PLCE1: variants seen among roughly 807,000 people sequenced by gnomAD.
PLCE1 encodes phospholipase C epsilon 1, also known as 1-phosphatidylinositol 4,5-bisphosphate phosphodiesterase epsilon-1.
Under a neutral mutation model 242.8 loss-of-function variants are expected in PLCE1, and 119 were observed. The observed-to-expected ratio is 0.49, with a 90% CI of 0.42 to 0.57. The LOEUF (loss-of-function observed/expected upper bound fraction) is 0.57, where lower values mean the gene tolerates loss of function less well. Ranked by LOEUF, PLCE1 falls within the 20% of genes least tolerant of loss-of-function variation. The probability of loss-of-function intolerance (pLI) is 0.00; values close to 1 mark genes in which losing one functional copy is unlikely to be tolerated. For synonymous variants in PLCE1, 945 were observed against 1,017.4 expected, an observed-to-expected ratio of 0.93 and a Z score of 1.35; for missense variants, 2,441 against 2,788.8, an observed-to-expected ratio of 0.88 and a Z score of 2.81.
intron 7 of PLCE1, among the ~76,000 whole-genome samples, chr10:94,242,307 T>A (rs187427953): frequency 6.6e-6 from 1 of 152,274 alleles, no homozygotes; most frequent in East Asian, 1.9e-4. Flanking sequence ...TTTTATTTTT[T>A]ATTTTTATTT....
rs1000601053 is a variant in PLCE1 at position 94,057,576 on chromosome 10, G to A, written c.1206+25324G>A. The stretch of plus-strand genomic sequence containing the variant: ...TTAATATCCTTGATACTTTGATGCC[G>A]CACTTTTCTCTCAGAAGAATTACCA... On this transcript the variant is annotated intron_variant, in intron 2 of 32. Transcript: ENST00000371380. Among the ~76,000 whole-genome samples, 34 of 152,236 alleles carry A rather than the reference G, an allele frequency of 2.2e-4. No homozygotes were observed. In the East Asian group the frequency reaches 5.0e-3, roughly 22 times the overall value.
chr10:94,226,496 T>C lies in PLCE1; in HGVS notation c.1810-810T>C, dbSNP rs74151095. ...AGTGCTTAGAATGGCTCCTGGCACA[T>C]AATAAGTGCTCTATAAATATTTGTT... On this transcript the variant is annotated intron_variant, in intron 4 of 32. Coordinates refer to ENST00000371380, the MANE Select transcript of PLCE1 (RefSeq NM_016341.4). Among the ~76,000 whole-genome samples, 1,050 of 152,194 alleles carry C rather than the reference T, an allele frequency of 6.9e-3. 19 individuals are homozygous for C. Among genetic ancestry groups the C allele is most frequent in the African/African-American group, 0.024 (1,005 of 41,474 alleles).
chr10:94,188,998 T>TAAAAAAAAAAAAAAAAAAAAAAAAA (rs904632569), intron 4 of PLCE1, among the ~76,000 whole-genome samples: 1 of 73,822 alleles, frequency 1.4e-5, no homozygotes, highest in African/African-American at 4.2e-5. Context: ...TAGGAGAAAG[T>TAAAAAAAAAAAAAAAAAAAAAAAAA]AAAAAAAAAA....
At chr10:94,249,458 C>G (rs186726047) in intron 8 of PLCE1, among the ~76,000 whole-genome samples, 3 of 151,996 alleles carry the variant, frequency 2.0e-5, no homozygotes. Flanking sequence ...TACCTATAAG[C>G]TAAAGAAATT....
intron 3 of PLCE1, among the ~76,000 whole-genome samples, chr10:94,166,793 C>T (rs1263879318): frequency 1.3e-5 from 2 of 152,090 alleles, no homozygotes; most frequent in Non-Finnish European, 2.9e-5. Context: ...GATAATCACA[C>T]CACCTTACAG....
chr10:94,298,556 G>A lies in PLCE1; in HGVS notation c.5345G>A (p.Cys1782Tyr). Residue 1782 changes from cysteine to tyrosine, a missense_variant, in exon 24 of 33, where the codon TGT (cysteine) becomes TAT (tyrosine). Physicochemically the swap from Cys to Tyr is radical, Grantham distance 194. This residue lies in a region of PLCE1 where 1,004 missense variants were observed against 1,322.7 expected (regional missense o/e 0.76). Transcript: ENST00000371380. The surrounding 1 kb of genome is among the most constrained non-coding windows in gnomAD (Gnocchi z 5.2). ...YSQKLTQHTA[C>Y]QLLRTYPAAT... ...CAGAAACTGACCCAGCACACCGCCT[G>A]TCAGCTGCTGAGAACTTACCCTGCT... 1 of 1,614,074 alleles carries A rather than the reference G, an allele frequency of 6.2e-7. No homozygotes were observed. Among genetic ancestry groups the A allele is most frequent in the Non-Finnish European group, 8.5e-7 (1 of 1,180,008 alleles).
intron 7 of PLCE1, among the ~76,000 whole-genome samples, chr10:94,238,305 G>T (rs1338535036): frequency 3.3e-5 from 5 of 152,112 alleles, no homozygotes; most frequent in Non-Finnish European, 2.9e-5. Context: ...AAGGGAATTG[G>T]GTTGAAAAAA....
intron 6 of PLCE1, 87 bp from the exon 7 acceptor site, chr10:94,235,828 T>G (rs781402182): frequency 9.5e-6 from 14 of 1,473,470 alleles, no homozygotes; most frequent in South Asian, 2.4e-5. Flanking sequence ...TGCCATTATT[T>G]ATTACTTTAT....
intron 4 of PLCE1, among the ~76,000 whole-genome samples, chr10:94,193,441 G>A (rs1453854718): frequency 1.3e-5 from 2 of 152,216 alleles, no homozygotes; most frequent in East Asian, 3.9e-4. Flanking sequence ...GTTTGTGGCA[G>A]AAGGGATATA....
At chr10:94,052,376 T>A (rs1343912971) in intron 2 of PLCE1, among the ~76,000 whole-genome samples, 1 of 151,964 alleles carries the variant, frequency 6.6e-6, no homozygotes, top group Non-Finnish European at 1.5e-5. Flanking sequence ...CTTCTTAGAG[T>A]GAGGGACATG....
At position 94,270,362 on chromosome 10, in the gene PLCE1, AAC is replaced by A. The variant is rs1268538802; in HGVS notation, c.4390-123_4390-122del. Reference sequence around the variant, plus strand: ...CTCATGCTTCATTTGAAAATACGAAAACCATCTTTGGCCAGAGTCTGCTGCAT... The same window carrying A: ...CTCATGCTTCATTTGAAAATACGAAACATCTTTGGCCAGAGTCTGCTGCAT... On this transcript the variant is annotated intron_variant, in intron 17 of 32. Transcript: ENST00000371380. 15 of 772,714 alleles carry A rather than the reference AAC, an allele frequency of 1.9e-5. No individual in the cohort carries two copies. In the African/African-American group the frequency reaches 2.4e-4, roughly 12 times the overall value. The allele number at this position is 772,714 out of a possible 1,614,324, so 47.9% of individuals were successfully genotyped here.
At chr10:94,164,028 G>T (rs1013397994) in intron 3 of PLCE1, among the ~76,000 whole-genome samples, 1 of 152,164 alleles carries the variant, frequency 6.6e-6, no homozygotes, top group African/African-American at 2.4e-5. Context: ...TCAGCTGTTT[G>T]TCTGATGGGT....
chr10:94,300,963 G>C (rs2133568444), intron 24 of PLCE1, among the ~76,000 whole-genome samples: 1 of 152,254 alleles, frequency 6.6e-6, no homozygotes, highest in East Asian at 1.9e-4. Context: ...TACTCGGAAG[G>C]CTGAGCGGGA....
intron 4 of PLCE1, among the ~76,000 whole-genome samples, chr10:94,198,352 C>A (rs2048889630): frequency 6.6e-6 from 1 of 152,206 alleles, no homozygotes; most frequent in African/African-American, 2.4e-5. Context: ...TTCTACTTGG[C>A]AAATATGAAT....
intron 2 of PLCE1, among the ~76,000 whole-genome samples, chr10:94,060,898 T>C (rs938433258): frequency 1.2e-4 from 18 of 145,462 alleles, no homozygotes; most frequent in Admixed American, 1.1e-3. Flanking sequence ...GGTTTTGCCA[T>C]GTTGCCCAGC....
At chr10:94,147,804 G>C (rs1012721158) in intron 3 of PLCE1, among the ~76,000 whole-genome samples, 1 of 152,194 alleles carries the variant, frequency 6.6e-6, no homozygotes, top group Non-Finnish European at 1.5e-5. Context: ...TAGTCTACCT[G>C]TAGGAAATAT....
At chr10:94,213,506 T>C (rs933183648) in intron 4 of PLCE1, among the ~76,000 whole-genome samples, 1 of 152,178 alleles carries the variant, frequency 6.6e-6, no homozygotes, top group Admixed American at 6.6e-5. Context: ...TGTCCCTGTG[T>C]CCCTACCTCC....
At chr10:94,196,035 T>C (rs1389385938) in intron 4 of PLCE1, among the ~76,000 whole-genome samples, 1 of 152,214 alleles carries the variant, frequency 6.6e-6, no homozygotes, top group African/African-American at 2.4e-5. Flanking sequence ...TACAAGTTAC[T>C]AAGTCTTTCT....
rs189481999 is a variant in PLCE1, at chr10:94,083,015, T to C, written c.1207-49159T>C. ...GTAATTTAAAATTTTAAGAGGAATA[T>C]TTAAGGTGAACATAGTTTTGGCAAT... On this transcript the variant is annotated intron_variant, in intron 2 of 32. Coordinates refer to ENST00000371380, the MANE Select transcript of PLCE1 (RefSeq NM_016341.4). Among the ~76,000 whole-genome samples the C allele has an allele frequency of 2.6e-5, 4 of 152,318 alleles. No homozygotes were observed. The East Asian group carries it at 7.7e-4, about 29-fold the overall frequency.
Sources: gnomAD v4.1 joint callset for allele counts (sites outside exome capture counted in the v4.1 genomes callset) on GRCh38, gnomAD v4.1.1 for gene constraint, gnomAD v4.1.1 regional missense constraint, Gnocchi (gnomAD v3.1) non-coding constraint, MANE v1.5 for transcripts, NCBI Gene and HGNC (gene_info 2026-07-23, HGNC 2026-07-21) for gene names.